The following CTNNA2 variants were observed in gnomAD, a reference collection of about 807,000 sequenced individuals.
The protein encoded by CTNNA2 is catenin alpha 2.
Under a neutral mutation model 101.0 loss-of-function variants are expected in CTNNA2, and 42 were observed. The observed-to-expected ratio is 0.42, with a 90% CI of 0.32 to 0.54. The LOEUF (loss-of-function observed/expected upper bound fraction) is 0.54. CTNNA2 is among the 20% of genes least tolerant of loss of function. The pLI is 0.14. For synonymous variants in CTNNA2, 450 were observed against 456.4 expected, an observed-to-expected ratio of 0.99 and a Z score of 0.18; for missense variants, 871 against 1,223.1, an observed-to-expected ratio of 0.71 and a Z score of 4.29.
rs372832675 is a variant in CTNNA2 at position 79,392,944 on chromosome 2, A to G, written c.-135+18931A>G. 3.3e-5 allele frequency among the ~76,000 whole-genome samples: 5 copies of G among 152,216 alleles called. No homozygotes were observed. The East Asian group carries it at 7.7e-4, about 23-fold the overall frequency. On this transcript the variant is annotated intron_variant, in intron 4 of 21. Transcript: ENST00000466387. ...AGCTGAAATTATCAACTCTGAATAT[A>G]TTCCATCTCTTTATCACCTCTGTAA...
chr2:79,364,154 A>G (rs1677692428), intron 3 of CTNNA2, among the ~76,000 whole-genome samples: 1 of 152,210 alleles, frequency 6.6e-6, no homozygotes, highest in African/African-American at 2.4e-5. Flanking sequence ...AAATGAGCTA[A>G]GTTGATTGTC....
At chr2:79,429,491 C>A (rs1678627963) in intron 4 of CTNNA2, among the ~76,000 whole-genome samples, 1 of 152,088 alleles carries the variant, frequency 6.6e-6, no homozygotes, top group South Asian at 2.1e-4. Flanking sequence ...TTTATCATAT[C>A]ACTTTTACGA....
chr2:79,580,239 A>G (rs1011220448), intron 1 of CTNNA2, among the ~76,000 whole-genome samples: 5 of 152,176 alleles, frequency 3.3e-5, no homozygotes, highest in Non-Finnish European at 4.4e-5. Flanking sequence ...CCTGACAAGC[A>G]GAGAACCTTT....
chr2:80,107,393 C>T (rs756105847), intron 7 of CTNNA2, among the ~76,000 whole-genome samples: 7 of 151,576 alleles, frequency 4.6e-5, no homozygotes, highest in Non-Finnish European at 7.4e-5. Context: ...GGAGAGATGG[C>T]TCTTGATTTC....
chr2:79,662,057 C>CAAAGG (rs1682074803), intron 2 of CTNNA2, among the ~76,000 whole-genome samples: 1 of 150,960 alleles, frequency 6.6e-6, no homozygotes, highest in Non-Finnish European at 1.5e-5. Flanking sequence ...ATTAAACAGA[C>CAAAGG]AAAGGAAAGG....
chr2:79,210,585 G>C (rs1674159100), intron 2 of CTNNA2, among the ~76,000 whole-genome samples: 1 of 152,058 alleles, frequency 6.6e-6, no homozygotes, highest in African/African-American at 2.4e-5. Context: ...AGTTTCTTTT[G>C]GGTTGGTGTT....
At chr2:79,459,504 A>G (rs867728797) in intron 4 of CTNNA2, among the ~76,000 whole-genome samples, 15 of 152,160 alleles carry the variant, frequency 9.9e-5, no homozygotes, top group African/African-American at 3.6e-4. Flanking sequence ...ATCAACTTGG[A>G]TAAAGAATAT....
intron 6 of CTNNA2, among the ~76,000 whole-genome samples, chr2:79,903,784 G>A (rs1685229446): frequency 6.6e-6 from 1 of 152,194 alleles, no homozygotes; most frequent in African/African-American, 2.4e-5. Flanking sequence ...CGGATCAGGA[G>A]CTGAAGCTGG....
chr2:80,338,656 G>C (rs1337891329), intron 7 of CTNNA2, among the ~76,000 whole-genome samples: 1 of 152,172 alleles, frequency 6.6e-6, no homozygotes, highest in Non-Finnish European at 1.5e-5. Context: ...CCACTGACTG[G>C]TGAAGAAGGT....
chr2:79,431,558 C>T (rs971273355), intron 4 of CTNNA2, among the ~76,000 whole-genome samples: 4 of 152,188 alleles, frequency 2.6e-5, no homozygotes, highest in African/African-American at 9.7e-5. Flanking sequence ...CCACATTTCA[C>T]TGACCAAATA....
At chr2:80,298,274 CA>C (rs1675939398) in intron 7 of CTNNA2, 1 of 152,138 alleles carries the variant, frequency 6.6e-6, no homozygotes, top group Admixed American at 6.5e-5. Context: ...CTGTCAATGG[CA>C]GACCCAAATC....
intron 7 of CTNNA2, among the ~76,000 whole-genome samples, chr2:80,212,047 T>A (rs1707926373): frequency 6.6e-6 from 1 of 152,332 alleles, no homozygotes; most frequent in Admixed American, 6.5e-5. Flanking sequence ...GCAATGCTAG[T>A]GATTTTTGCA....
chr2:79,301,860 G>A (rs375766968), intron 2 of CTNNA2, among the ~76,000 whole-genome samples: 2 of 151,938 alleles, frequency 1.3e-5, no homozygotes, highest in East Asian at 1.9e-4. Context: ...AGGCTGAGGC[G>A]GGTGGATCAT....
intron 2 of CTNNA2, among the ~76,000 whole-genome samples, chr2:79,684,554 G>T (rs891690259): frequency 2.0e-5 from 3 of 152,106 alleles, no homozygotes; most frequent in Non-Finnish European, 2.9e-5. Flanking sequence ...CACACCCTAT[G>T]AAGTCATTTG....
intron 4 of CTNNA2, among the ~76,000 whole-genome samples, chr2:79,456,802 A>G (rs1184837768): frequency 2.0e-5 from 3 of 152,218 alleles, no homozygotes; most frequent in Admixed American, 2.0e-4. Context: ...GAGCAATTTC[A>G]TGTTTTATTT....
At chr2:79,216,090 C>T (rs555177097) in intron 2 of CTNNA2, among the ~76,000 whole-genome samples, 205 of 152,044 alleles carry the variant, frequency 1.3e-3, no homozygotes, top group African/African-American at 4.5e-3. Context: ...GCCTATTTTA[C>T]GACAAGAATT....
At chr2:80,330,432 T>C (rs1422273415) in intron 7 of CTNNA2, among the ~76,000 whole-genome samples, 1 of 152,132 alleles carries the variant, frequency 6.6e-6, no homozygotes, top group Non-Finnish European at 1.5e-5. Flanking sequence ...TTGTCCTGGA[T>C]CTGAAATTTG....
intron 7 of CTNNA2, among the ~76,000 whole-genome samples, chr2:80,240,093 A>G (rs1196238051): frequency 2.0e-5 from 3 of 152,192 alleles, no homozygotes; most frequent in Admixed American, 6.5e-5. Context: ...CCATATGGGC[A>G]TCCTACATAC....
At chr2:79,584,720 A>G (rs1260673762) in intron 1 of CTNNA2, among the ~76,000 whole-genome samples, 1 of 151,920 alleles carries the variant, frequency 6.6e-6, no homozygotes, top group Non-Finnish European at 1.5e-5. Flanking sequence ...GGGTTTCACC[A>G]TGTTGTCCAG....
Sources: allele counts gnomAD v4.1 joint callset (sites outside exome capture counted in the v4.1 genomes callset), GRCh38; gene constraint gnomAD v4.1.1; transcripts MANE v1.5; gene names NCBI Gene and HGNC (gene_info 2026-07-23, HGNC 2026-07-21).